The following CFH variants were observed in gnomAD, a reference collection of about 807,000 sequenced individuals.
CFH encodes the protein H factor 1 (complement).
In CFH, 53 loss-of-function variants were observed where a neutral mutation model predicts 147.3. The observed-to-expected ratio is 0.36, with a 90% confidence interval of 0.29 to 0.45. The LOEUF is 0.45. Ranked by LOEUF, CFH falls within the 20% of genes least tolerant of loss-of-function variation. The probability of loss-of-function intolerance (pLI) is 1.00; values close to 1 mark genes in which losing one functional copy is unlikely to be tolerated. For missense variants in CFH, 1,380 were observed against 1,498.0 expected (o/e 0.92, Z 1.30); for synonymous variants, 536 against 489.4 (o/e 1.10, Z -1.26).
rs1005036546 is a variant in CFH at position 196,684,944 on chromosome 1, A to G, written c.791-120A>G. On this transcript the variant is annotated intron_variant, in intron 6 of 21. Transcript: ENST00000367429. Reference sequence around the variant, plus strand: ...AGGATACTATGATATGTTCATTTTAATGCCATTTTGTATTATGCTAAGGAC... The same window carrying G: ...AGGATACTATGATATGTTCATTTTAGTGCCATTTTGTATTATGCTAAGGAC... The G allele has an allele frequency of 4.6e-5, 35 of 763,474 alleles. No individual in the cohort carries two copies. In the Admixed American group the frequency reaches 5.9e-4, roughly 13 times the overall value. The allele number at this position is 763,474 out of a possible 1,614,324, so 47.3% of individuals were successfully genotyped here.
chr1:196,666,163 A>G (rs1667078586), intron 1 of CFH, among the ~76,000 whole-genome samples: 2 of 152,312 alleles, frequency 1.3e-5, no homozygotes, highest in African/African-American at 4.8e-5. Flanking sequence ...GGTCACATCC[A>G]TGCCCGGTAA....
At chr1:196,696,343 C>A (rs1013772509) in intron 9 of CFH, among the ~76,000 whole-genome samples, 3 of 152,128 alleles carry the variant, frequency 2.0e-5, no homozygotes, top group African/African-American at 7.2e-5. Context: ...AACTGAACAA[C>A]CTGCTACTGA....
At chr1:196,671,374 A>G (rs1453598942) in intron 1 of CFH, among the ~76,000 whole-genome samples, 1 of 152,036 alleles carries the variant, frequency 6.6e-6, no homozygotes, top group Non-Finnish European at 1.5e-5. Context: ...ATTTTTAAAC[A>G]AAAACATGTA....
At chr1:196,657,582 T>C (rs1434895247) in intron 1 of CFH, among the ~76,000 whole-genome samples, 1 of 152,206 alleles carries the variant, frequency 6.6e-6, no homozygotes, top group Non-Finnish European at 1.5e-5. Context: ...ATCCCCTGTG[T>C]ATACCAAAGC....
chr1:196,696,776 A>T (rs75451685), intron 9 of CFH, among the ~76,000 whole-genome samples: 1 of 152,216 alleles, frequency 6.6e-6, no homozygotes, highest in Non-Finnish European at 1.5e-5. Context: ...CACAGTAACC[A>T]AAATAGCATG....
chr1:196,666,125 A>G (rs2149072985), intron 1 of CFH, among the ~76,000 whole-genome samples: 1 of 152,350 alleles, frequency 6.6e-6, no homozygotes, highest in South Asian at 2.1e-4. Flanking sequence ...AATTTTGCTG[A>G]TGAAGGATGA....
At chr1:196,747,053 A>T in intron 21 of CFH, 58 bp from the exon 22 acceptor site, 1 of 1,607,362 alleles carries the variant, frequency 6.2e-7, no homozygotes, top group Non-Finnish European at 8.5e-7. Context: ...AAAACCTGAA[A>T]GTCTATGAAG....
intron 1 of CFH, among the ~76,000 whole-genome samples, chr1:196,664,448 C>T (rs1429973505): frequency 2.0e-5 from 3 of 152,128 alleles, no homozygotes; most frequent in Admixed American, 2.0e-4. Context: ...TGTGAAATAG[C>T]CAGACAATAA....
chr1:196,739,761 G>T (rs2336221), intron 17 of CFH, among the ~76,000 whole-genome samples: 24,622 of 152,084 alleles, frequency 0.16, 2,524 homozygotes, highest in East Asian at 0.48. Flanking sequence ...CTGTTATCCA[G>T]TTCCAAAGCT....
At chr1:196,737,088 G>T in intron 16 of CFH, 82 bp downstream of exon 16, 2 of 1,201,838 alleles carry the variant, frequency 1.7e-6, no homozygotes, top group South Asian at 2.6e-5. Context: ...CAAGAGAGAA[G>T]TTCTTTCTCT....
chr1:196,660,885 A>C (rs1666874573), intron 1 of CFH, among the ~76,000 whole-genome samples: 1 of 152,218 alleles, frequency 6.6e-6, no homozygotes, highest in Admixed American at 6.5e-5. Flanking sequence ...ACCTGGAAAT[A>C]TAATAATAAC....
chr1:196,725,083 A>C, intron 11 of CFH, 38 bp from the exon 12 acceptor site: 4 of 1,554,258 alleles, frequency 2.6e-6, no homozygotes, highest in Non-Finnish European at 3.5e-6. Context: ...GCAATGATTA[A>C]TTATATATTC....
At chr1:196,672,246 A>C (rs928102481) in intron 1 of CFH, among the ~76,000 whole-genome samples, 4 of 152,188 alleles carry the variant, frequency 2.6e-5, no homozygotes, top group Non-Finnish European at 4.4e-5. Context: ...TCCAGAGCTG[A>C]CAAACATAAC....
At position 196,726,906 on chromosome 1, in the gene CFH, T is replaced by C. The variant is rs751499696; in HGVS notation, c.2202T>C (p.Ile734=). 1.9e-6 allele frequency: 3 copies of C among 1,613,752 alleles called. No individual in the cohort carries two copies. Among genetic ancestry groups the C allele is most frequent in the Non-Finnish European group, 1.7e-6 (2 of 1,179,742 alleles). ...TMIGHRSITC[I]HGVWTQLPQC... is the part of the protein sequence containing the mutation. ...TTGGACACAGATCAATTACGTGTAT[T>C]CATGGAGTATGGACCCAACTTCCCC... is the stretch of plus-strand genomic sequence containing the variant. Residue 734 remains isoleucine, a synonymous_variant, in exon 14 of 22, where the codon ATT becomes ATC. Coordinates refer to ENST00000367429, the MANE Select transcript of CFH (RefSeq NM_000186.4).
chr1:196,698,668 C>T (rs1668359827), intron 9 of CFH, among the ~76,000 whole-genome samples: 1 of 152,094 alleles, frequency 6.6e-6, no homozygotes, highest in African/African-American at 2.4e-5. Flanking sequence ...TGGTACCATT[C>T]CTTTGGAAAC....
intron 1 of CFH, among the ~76,000 whole-genome samples, chr1:196,671,976 T>C (rs532633124): frequency 1.3e-5 from 2 of 151,918 alleles, no homozygotes; most frequent in East Asian, 3.9e-4. Flanking sequence ...CCAGAGTGAC[T>C]TTCAAATATG....
intron 12 of CFH, among the ~76,000 whole-genome samples, chr1:196,725,717 G>A (rs1445479324): frequency 6.6e-6 from 1 of 152,168 alleles, no homozygotes; most frequent in Non-Finnish European, 1.5e-5. Context: ...GAGAACACAT[G>A]ATGAGAGAGG....
At position 196,709,531 on chromosome 1, in the gene CFH, G is replaced by A. The variant is rs543992918; in HGVS notation, c.1337-4204G>A. Among the ~76,000 whole-genome samples, 3 of 152,182 alleles carry A rather than the reference G, an allele frequency of 2.0e-5. No homozygotes were observed. In the East Asian group the frequency reaches 5.8e-4, roughly 30 times the overall value. ...AATTGAGAAGGGATCAAGCCCGGAA[G>A]GAACTGAAACTGTCCCTAGGAAAGT... On this transcript the variant is annotated intron_variant, in intron 9 of 21. Coordinates refer to ENST00000367429, the MANE Select transcript of CFH (RefSeq NM_000186.4).
At chr1:196,659,757 C>T (rs139145783) in intron 1 of CFH, among the ~76,000 whole-genome samples, 1 of 152,282 alleles carries the variant, frequency 6.6e-6, no homozygotes, top group African/African-American at 2.4e-5. Context: ...GGGGCTTCCA[C>T]TCAGACCTGT....
Sources: gnomAD v4.1 joint callset for allele counts (sites outside exome capture counted in the v4.1 genomes callset) on GRCh38, gnomAD v4.1.1 for gene constraint, MANE v1.5 for transcripts, NCBI Gene and HGNC (gene_info 2026-07-23, HGNC 2026-07-21) for gene names.